Variants in COL28A1 observed in about 807,000 individuals in gnomAD.
COL28A1 encodes the protein collagen type XXVIII alpha 1 chain, also known as collagen alpha-1(XXVIII) chain.
In COL28A1, 161 loss-of-function variants were observed where a neutral mutation model predicts 150.2. That is an observed-to-expected ratio of 1.07 (90% CI 0.94 to 1.22). The LOEUF (loss-of-function observed/expected upper bound fraction) is 1.22, where lower values mean the gene tolerates loss of function less well. Ranked by LOEUF, COL28A1 falls within the 50% of genes most tolerant of loss-of-function variation. The probability of loss-of-function intolerance (pLI) is 0.00; values close to 1 mark genes in which losing one functional copy is unlikely to be tolerated. For synonymous variants in COL28A1, 552 were observed against 469.7 expected (o/e 1.18, Z -2.26); for missense variants, 1,617 against 1,388.3 (o/e 1.16, Z -2.62).
intron 6 of COL28A1, 56 bp downstream of exon 6, chr7:7,520,006 A>G (rs1311976825): frequency 7.1e-6 from 6 of 850,200 alleles, no homozygotes; most frequent in Non-Finnish European, 1.2e-5. Context: ...GTTGTTTTAA[A>G]AAAAAAGTCT....
chr7:7,368,687 A>G (rs1781067123), intron 33 of COL28A1, among the ~76,000 whole-genome samples: 1 of 152,182 alleles, frequency 6.6e-6, no homozygotes, highest in South Asian at 2.1e-4. Flanking sequence ...GTGAAGACAT[A>G]ACGAGAAGGT....
chr7:7,377,306 G>A (rs1198932230), intron 30 of COL28A1, among the ~76,000 whole-genome samples: 1 of 152,090 alleles, frequency 6.6e-6, no homozygotes, highest in Non-Finnish European at 1.5e-5. Context: ...TGAAATCACT[G>A]AATAACTACC....
intron 27 of COL28A1, among the ~76,000 whole-genome samples, chr7:7,389,950 G>T (rs1035478222): frequency 7.7e-4 from 117 of 152,262 alleles, no homozygotes; most frequent in Middle Eastern, 3.4e-3. Context: ...GGGACAATTT[G>T]ATTTCCTCTC....
chr7:7,539,198 G>A (rs1003725428), upstream of COL28A1, among the ~76,000 whole-genome samples: 13 of 152,250 alleles, frequency 8.5e-5, no homozygotes, highest in Admixed American at 2.0e-4. Context: ...AAGAAAAGAG[G>A]TTTATTTGGC....
chr7:7,368,516 T>C (rs1375815663), intron 33 of COL28A1, among the ~76,000 whole-genome samples: 3 of 152,194 alleles, frequency 2.0e-5, no homozygotes, highest in African/African-American at 7.2e-5. Context: ...TAAATGTTTA[T>C]GTCCCTCCAA....
chr7:7,543,129 G>C, the COL28A1 span, among the ~76,000 whole-genome samples: 2 of 152,038 alleles, frequency 1.3e-5, no homozygotes, highest in Non-Finnish European at 2.9e-5. Flanking sequence ...ATTCTATATA[G>C]CAAACTGATT....
intron 1 of COL28A1, among the ~76,000 whole-genome samples, chr7:7,533,531 A>T (rs975185826): frequency 6.6e-6 from 1 of 152,122 alleles, no homozygotes; most frequent in African/African-American, 2.4e-5. Context: ...TGCATATGCA[A>T]TGAATCAAAA....
chr7:7,401,408 C>T (rs981576981), intron 27 of COL28A1, among the ~76,000 whole-genome samples: 38 of 152,074 alleles, frequency 2.5e-4, no homozygotes, highest in African/African-American at 9.2e-4. Flanking sequence ...ATTTCTATCC[C>T]CAAATACCTA....
chr7:7,421,101 A>G (rs1272270698), intron 25 of COL28A1, among the ~76,000 whole-genome samples: 2 of 152,378 alleles, frequency 1.3e-5, no homozygotes, highest in South Asian at 4.1e-4. Context: ...ATGCCCATCA[A>G]CTGGTGAATG....
rs545790392 is a variant in COL28A1, at chr7:7,375,423, T to A, written c.2359+38A>T. ...CCAGCACAGTACATAGTGGGGCTGA[T>A]GCTTTAAAGTGATGTTTTTTCCTTG... On this transcript the variant is annotated intron_variant, in intron 31 of 34. Transcript: ENST00000399429. The A allele has an allele frequency of 2.2e-5, 34 of 1,548,656 alleles. No individual in the cohort carries two copies. The South Asian group carries it at 3.8e-4, about 17-fold the overall frequency.
chr7:7,532,602 G>A, intron 2 of COL28A1, 150 bp downstream of exon 2: 1 of 1,007,486 alleles, frequency 9.9e-7, no homozygotes, highest in East Asian at 2.7e-5. Context: ...AGTATGTAAG[G>A]TATATTATCA....
intron 15 of COL28A1, among the ~76,000 whole-genome samples, chr7:7,462,642 TGA>T (rs1375536940): frequency 6.6e-6 from 1 of 152,156 alleles, no homozygotes; most frequent in Non-Finnish European, 1.5e-5. Context: ...ATGGACTACC[TGA>T]GGTCAGGAGT....
intron 13 of COL28A1, among the ~76,000 whole-genome samples, chr7:7,478,901 C>T (rs984406903): frequency 6.6e-6 from 1 of 152,260 alleles, no homozygotes; most frequent in Non-Finnish European, 1.5e-5. Context: ...CCAGGCAGCC[C>T]TGGTTCCACC....
At chr7:7,537,179 C>G (rs1427898849), upstream of COL28A1, among the ~76,000 whole-genome samples, 8 of 152,190 alleles carry the variant, frequency 5.3e-5, no homozygotes, top group African/African-American at 1.9e-4. Context: ...CAGATCCTGT[C>G]CCAGCAGCTG....
At chr7:7,347,372 T>A in the COL28A1 span, among the ~76,000 whole-genome samples, 43 of 152,130 alleles carry the variant, frequency 2.8e-4, 1 homozygote, top group Non-Finnish European at 4.4e-5. Context: ...CTTATGTCTA[T>A]TCTAAGAAAA....
chr7:7,472,746 G>A (rs1788541745), intron 15 of COL28A1, among the ~76,000 whole-genome samples: 1 of 152,152 alleles, frequency 6.6e-6, no homozygotes, highest in Non-Finnish European at 1.5e-5. Context: ...AACAAATCTG[G>A]AGGCATCAAT....
At chr7:7,472,611 C>A (rs1025278928) in intron 15 of COL28A1, among the ~76,000 whole-genome samples, 2 of 152,108 alleles carry the variant, frequency 1.3e-5, no homozygotes, top group African/African-American at 4.8e-5. Flanking sequence ...AAGCCATACA[C>A]AAATTCATTG....
At chr7:7,488,246 T>C (rs1262320661) in intron 13 of COL28A1, among the ~76,000 whole-genome samples, 1 of 152,242 alleles carries the variant, frequency 6.6e-6, no homozygotes, top group Non-Finnish European at 1.5e-5. Context: ...AGATCACTGA[T>C]CTCTAGATGA....
intron 3 of COL28A1, among the ~76,000 whole-genome samples, chr7:7,525,185 C>T (rs1781953575): frequency 6.6e-6 from 1 of 152,214 alleles, no homozygotes; most frequent in South Asian, 2.1e-4. Flanking sequence ...CATGGTTCCA[C>T]CATAATGTGA....
Sources: allele counts gnomAD v4.1 joint callset (sites outside exome capture counted in the v4.1 genomes callset), GRCh38; gene constraint gnomAD v4.1.1; transcripts MANE v1.5; gene names NCBI Gene and HGNC (gene_info 2026-07-23, HGNC 2026-07-21).